OPRM1: variants seen among roughly 807,000 people sequenced by gnomAD.
OPRM1 encodes the protein opioid receptor mu 1, also known as mu-type opioid receptor.
OPRM1 carries 27 observed loss-of-function variants against 31.8 expected under a neutral mutation model. The observed-to-expected ratio is 0.85, with a 90% CI of 0.63 to 1.17. The LOEUF (loss-of-function observed/expected upper bound fraction) is 1.17, where lower values mean the gene tolerates loss of function less well. Ranked by LOEUF, OPRM1 falls within the 50% of genes most tolerant of loss-of-function variation. The probability of loss-of-function intolerance (pLI) is 0.00; values close to 1 mark genes in which losing one functional copy is unlikely to be tolerated. For synonymous variants in OPRM1, 196 were observed against 189.9 expected, an observed-to-expected ratio of 1.03 and a Z score of -0.26; for missense variants, 536 against 511.1, an observed-to-expected ratio of 1.05 and a Z score of -0.47.
chr6:154,069,082 T>G (rs933092461), intron 1 of OPRM1, among the ~76,000 whole-genome samples: 5 of 152,230 alleles, frequency 3.3e-5, no homozygotes, highest in African/African-American at 4.8e-5. Context: ...TTGTAAGAGC[T>G]TCTTATGTAT....
At chr6:154,109,784 CTCTCTCTCTGTGTGTGTGTGTGTG>C (rs1376787947) in intron 3 of OPRM1, among the ~76,000 whole-genome samples, 100 of 121,642 alleles carry the variant, frequency 8.2e-4, no homozygotes, top group Admixed American at 5.3e-3. Context: ...CTCTCTCTCT[CTCTCTCTCTGTGTGTGTGTGTGTG>C]TGTGTGTGTG....
chr6:154,077,729 T>TA (rs1788181380), intron 1 of OPRM1, among the ~76,000 whole-genome samples: 1 of 151,860 alleles, frequency 6.6e-6, no homozygotes, highest in African/African-American at 2.4e-5. Context: ...AGATTCCATC[T>TA]AAAAAAATAA....
intron 1 of OPRM1, among the ~76,000 whole-genome samples, chr6:154,078,133 A>G (rs1788284296): frequency 6.6e-6 from 1 of 151,976 alleles, no homozygotes; most frequent in South Asian, 2.1e-4. Context: ...GCTTTAACCT[A>G]GTCCCTCTTC....
chr6:154,160,917 A>G (rs530390461), intron 3 of OPRM1, among the ~76,000 whole-genome samples: 1 of 152,188 alleles, frequency 6.6e-6, no homozygotes, highest in East Asian at 1.9e-4. Context: ...CTCCACCTCC[A>G]CTTAGCAGAG....
chr6:154,030,994 TAAG>T (rs1286610714), intron 1 of OPRM1, among the ~76,000 whole-genome samples: 4 of 152,122 alleles, frequency 2.6e-5, no homozygotes, highest in Admixed American at 2.6e-4. Context: ...TAATCCAAGA[TAAG>T]AAGCAGAAAT....
rs150940295 is a variant in OPRM1, at chr6:154,095,305, AAAAG to A, written c.1164+3842_1164+3845del. On this transcript the variant is annotated intron_variant, in intron 3 of 3. Transcript: ENST00000330432. Reference sequence around the variant, plus strand: ...AAACTCCATCTCAAAAGAAAGAAAGAAAAGAAAGAAAGTACTTCCAAAACATCCA... The same window carrying A: ...AAACTCCATCTCAAAAGAAAGAAAGAAAAGAAAGTACTTCCAAAACATCCA... Among the ~76,000 whole-genome samples the A allele has an allele frequency of 2.3e-3, 357 of 152,320 alleles. 1 individual carries two copies. The highest frequency in any genetic ancestry group is 4.3e-3 in the Non-Finnish European group (295 of 68,034).
intron 3 of OPRM1, among the ~76,000 whole-genome samples, chr6:154,153,675 ACT>A (rs1798604748): frequency 6.8e-6 from 1 of 147,052 alleles, no homozygotes; most frequent in Admixed American, 6.8e-5. Context: ...ACAGAGTGAA[ACT>A]CTATCTCAAA....
rs142845551 is a variant in OPRM1, at chr6:154,079,967, A to G, written c.291-9859A>G. On this transcript the variant is annotated intron_variant, in intron 1 of 3. Transcript: ENST00000330432. Reference sequence around the variant, plus strand: ...AGGCCGCATACTTTAGGAATGCCTGATTATTTGATAACAATTTCAGATTAT... The same window carrying G: ...AGGCCGCATACTTTAGGAATGCCTGGTTATTTGATAACAATTTCAGATTAT... Among the ~76,000 whole-genome samples the G allele has an allele frequency of 8.4e-3, 1,274 of 152,378 alleles. 17 individuals are homozygous for G. Among genetic ancestry groups the G allele is most frequent in the African/African-American group, 0.03 (1,228 of 41,594 alleles).
At chr6:154,012,334 TG>T (rs1470776264) in intron 1 of OPRM1, among the ~76,000 whole-genome samples, 2 of 152,178 alleles carry the variant, frequency 1.3e-5, no homozygotes, top group Non-Finnish European at 2.9e-5. Flanking sequence ...TAGCAGTAAA[TG>T]GATCATCAAC....
At chr6:154,063,497 G>A (rs1299180578) in intron 1 of OPRM1, among the ~76,000 whole-genome samples, 1 of 151,786 alleles carries the variant, frequency 6.6e-6, no homozygotes, top group African/African-American at 2.4e-5. Context: ...ATTGATTCAT[G>A]CAACATAAAG....
At chr6:154,072,650 T>C (rs1363980448) in intron 1 of OPRM1, among the ~76,000 whole-genome samples, 1 of 152,174 alleles carries the variant, frequency 6.6e-6, no homozygotes, top group Non-Finnish European at 1.5e-5. Context: ...TTTATGAAAA[T>C]GACAGAAAAA....
rs192619522 is a variant in OPRM1, at chr6:154,131,838, T to C, written c.*13117T>C. 6.6e-6 allele frequency among the ~76,000 whole-genome samples: 1 copy of C among 152,114 alleles called. No homozygotes were observed. The highest frequency in any genetic ancestry group is 2.4e-5 in the African/African-American group (1 of 41,510). ...CCTGTATTTCGCCTATAGAGACAAA[T>C]ACATATATTGTTTGTTGTGATAATG... On this transcript the variant is annotated 3_prime_UTR_variant, in exon 4 of 4. Transcript: ENST00000330432.
At chr6:154,212,680 T>G in intron 3 of OPRM1, 2 of 834,762 alleles carry the variant, frequency 2.4e-6, no homozygotes, top group South Asian at 3.5e-5. Flanking sequence ...TTCTAAAAAT[T>G]TATTGGTCAA....
chr6:154,120,898 ACT>A lies in OPRM1; in HGVS notation c.*2180_*2181del, dbSNP rs1228787883. ...AAGTTTCTTCCATGTCATCTTTGAGACTCTACACAGAATACACAATAAAGGGA... is the reference window on the plus strand; with the variant it reads ...AAGTTTCTTCCATGTCATCTTTGAGACTACACAGAATACACAATAAAGGGA... On this transcript the variant is annotated 3_prime_UTR_variant, in exon 4 of 4. Coordinates refer to ENST00000330432, the MANE Select transcript of OPRM1 (RefSeq NM_000914.5). 6.6e-6 allele frequency among the ~76,000 whole-genome samples: 1 copy of A among 151,962 alleles called. No individual in the cohort carries two copies. The highest frequency in any genetic ancestry group is 2.4e-5 in the African/African-American group (1 of 41,370).
rs675026 is a variant in OPRM1 at position 154,093,428 on chromosome 6, A to G, written c.1164+1956A>G. ...ATACTGCTCCCAGCCCGTCTGGTGG[A>G]GCATTTCTCCTGAGTTAAGCATGAT... On this transcript the variant is annotated intron_variant, in intron 3 of 3. Transcript: ENST00000330432. 1,098,756 of 1,612,778 alleles carry G rather than the reference A, an allele frequency of 0.68. 377,522 individuals are homozygous for G. The highest frequency in any genetic ancestry group is 0.89 in the East Asian group (39,983 of 44,832).
chr6:154,066,362 T>G (rs1207080507), intron 1 of OPRM1, among the ~76,000 whole-genome samples: 2 of 152,150 alleles, frequency 1.3e-5, no homozygotes. Context: ...TTTTTTTAAG[T>G]GTTTGGTACA....
chr6:154,223,345 G>A, intron 3 of OPRM1: 1 of 924,584 alleles, frequency 1.1e-6, no homozygotes, highest in Non-Finnish European at 1.7e-6. Flanking sequence ...AATGACATGA[G>A]GGAGAATCAA....
chr6:154,227,424 T>C (rs1779346582), intron 3 of OPRM1, among the ~76,000 whole-genome samples: 1 of 151,412 alleles, frequency 6.6e-6, no homozygotes, highest in Non-Finnish European at 1.5e-5. Context: ...TTTATTCATC[T>C]AAAAATAAAA....
chr6:154,080,765 T>C (rs1788915780), intron 1 of OPRM1, among the ~76,000 whole-genome samples: 1 of 152,182 alleles, frequency 6.6e-6, no homozygotes, highest in African/African-American at 2.4e-5. Context: ...TAATGAACAG[T>C]CTCCTTTGTC....
Sources: allele counts gnomAD v4.1 joint callset (sites outside exome capture counted in the v4.1 genomes callset), GRCh38; gene constraint gnomAD v4.1.1; transcripts MANE v1.5; gene names NCBI Gene and HGNC (gene_info 2026-07-23, HGNC 2026-07-21).